The following SNPH variants were observed in gnomAD, a reference collection of about 807,000 sequenced individuals.
SNPH encodes the protein syntaphilin.
In SNPH, 10 loss-of-function variants were observed where a neutral mutation model predicts 36.8. The ratio of observed to expected loss-of-function variants is 0.27; its 90% CI spans 0.17 to 0.46. The LOEUF is 0.46. Ranked by LOEUF, SNPH falls within the 20% of genes least tolerant of loss-of-function variation. The pLI, the probability that SNPH is intolerant of heterozygous loss-of-function variation, is 1.00. For missense variants in SNPH, 622 were observed against 744.0 expected (o/e 0.84, Z 1.91); for synonymous variants, 281 against 312.2 (o/e 0.90, Z 1.05).
At chr20:1,293,222 C>G (rs1267441253) in intron 2 of SNPH, among the ~76,000 whole-genome samples, 1 of 152,188 alleles carries the variant, frequency 6.6e-6, no homozygotes, top group East Asian at 1.9e-4. Context: ...CTCATGCTCC[C>G]TGGACCCCCA....
At position 1,305,815 on chromosome 20, in the gene SNPH, G is replaced by A; in HGVS notation, c.1378G>A (p.Glu460Lys). ...GGAGGAGGCTGCCGTGGCTGAGAAG[G>A]AGCCCAAGAGCTACTGGAGCCGCCA... ...EEEEAAVAEK[E>K]PKSYWSRHYI... Residue 460 changes from glutamate to lysine, a missense_variant, in exon 7 of 7, where the codon GAG becomes AAG. Around this residue, in one of 3 missense-constraint regions of SNPH, gnomAD observed 379 missense variants for 427.9 expected, o/e 0.89. Transcript: ENST00000381867. 6.3e-7 allele frequency: 1 copy of A among 1,582,938 alleles called. No individual in the cohort carries two copies. The highest frequency in any genetic ancestry group is 8.6e-7 in the Non-Finnish European group (1 of 1,164,528).
At chr20:1,280,728 C>T (rs1157318121) in intron 2 of SNPH, among the ~76,000 whole-genome samples, 1 of 152,174 alleles carries the variant, frequency 6.6e-6, no homozygotes, top group Admixed American at 6.5e-5. Context: ...CCCTCAGGGG[C>T]CCTCTTCCTG....
At position 1,305,409 on chromosome 20, in the gene SNPH, C is replaced by G. The variant is rs758363052; in HGVS notation, c.972C>G (p.Ser324=). Residue 324 remains serine, a synonymous_variant, in exon 7 of 7, where the codon TCC becomes TCG. Coordinates refer to ENST00000381867, the MANE Select transcript of SNPH (RefSeq NM_001318234.2). ...CCGAGGAGACCTCGCTGCACAGCTC[C>G]TTCGGCCTGGGCCCCCGCTTCCCTG... ...CGTEETSLHS[S]FGLGPRFPAS... 1 of 1,613,080 alleles carries G rather than the reference C, an allele frequency of 6.2e-7. No homozygotes were observed.
chr20:1,277,621 T>C (rs1276610662), intron 2 of SNPH, among the ~76,000 whole-genome samples: 5 of 31,956 alleles, frequency 1.6e-4, no homozygotes, highest in Non-Finnish European at 5.2e-4. Context: ...TGTGTATGTG[T>C]GCCTGTGTGT....
chr20:1,278,745 G>A (rs1009696683), intron 2 of SNPH, among the ~76,000 whole-genome samples: 1 of 152,016 alleles, frequency 6.6e-6, no homozygotes, highest in African/African-American at 2.4e-5. Flanking sequence ...GTGCAGTGGT[G>A]CGATCTTGGC....
intron 2 of SNPH, among the ~76,000 whole-genome samples, chr20:1,267,178 T>TCCATCCCATCTTTCC (rs1437738579): frequency 2.0e-5 from 3 of 150,478 alleles, no homozygotes; most frequent in African/African-American, 7.3e-5. Context: ...AATGACTGCT[T>TCCATCCCATCTTTCC]CCATCCCATC....
chr20:1,303,867 GGGCTGCCACTA>G, intron 6 of SNPH, among the ~76,000 whole-genome samples: 1 of 152,184 alleles, frequency 6.6e-6, no homozygotes, highest in Non-Finnish European at 1.5e-5. Flanking sequence ...GGGCTCATGT[GGGCTGCCACTA>G]GGAAGTGAGC....
chr20:1,274,171 G>A (rs1260737213), intron 2 of SNPH, among the ~76,000 whole-genome samples: 2 of 152,106 alleles, frequency 1.3e-5, no homozygotes, highest in East Asian at 3.9e-4. Context: ...TCTGACACAG[G>A]TATACAGGAT....
intron 6 of SNPH, 48 bp downstream of exon 6, chr20:1,300,759 C>T: frequency 6.4e-7 from 1 of 1,560,424 alleles, no homozygotes; most frequent in Non-Finnish European, 8.7e-7. Context: ...ACCAGCTCCA[C>T]ACTCAGGGAA....
rs760508547 is a variant in SNPH, at chr20:1,305,542, C to T, written c.1105C>T (p.Leu369Phe). The T allele has an allele frequency of 6.2e-6, 10 of 1,613,144 alleles. No individual in the cohort carries two copies. The highest frequency in any genetic ancestry group is 4.0e-5 in the African/African-American group (3 of 74,942). Residue 369 changes from leucine to phenylalanine, a missense_variant, in exon 7 of 7, where the codon CTT becomes TTT. By Grantham distance (22) the Leu-to-Phe change is conservative. This residue lies in a region of SNPH where 379 missense variants were observed against 427.9 expected (regional missense o/e 0.89). Transcript: ENST00000381867. ...QTDFVQYQPD[L>F]DTILEKVTQA... is the part of the protein sequence containing the mutation. ...AGACTTCGTGCAGTACCAGCCTGAC[C>T]TTGACACCATCCTGGAGAAAGTGAC...
In SNPH at chr20:1,307,353, C is replaced by T. The variant is rs1217487926; in HGVS notation, c.*1299C>T. 1.3e-5 allele frequency: 2 copies of T among 152,322 alleles called. No homozygotes were observed. Among genetic ancestry groups the T allele is most frequent in the South Asian group, 2.1e-4 (1 of 4,820 alleles). 9.4% of individuals were successfully genotyped at this position (152,322 alleles called of 1,614,324 possible). On this transcript the variant is annotated 3_prime_UTR_variant, in exon 7 of 7. Transcript: ENST00000381867. ...TCCCTGCTCCCAGCCCAAGGCCAGT[C>T]GGCCTGGGAAGTTCACTGCCCCAAC...
intron 2 of SNPH, among the ~76,000 whole-genome samples, chr20:1,288,305 T>C (rs920651784): frequency 6.6e-6 from 1 of 152,182 alleles, no homozygotes; most frequent in African/African-American, 2.4e-5. Flanking sequence ...ATTACCTTGG[T>C]TGGATCCCAA....
intron 5 of SNPH, among the ~76,000 whole-genome samples, chr20:1,298,608 G>T (rs549249674): frequency 3.4e-4 from 52 of 152,208 alleles, no homozygotes; most frequent in Middle Eastern, 6.8e-3. Flanking sequence ...AACACACCTC[G>T]TAACTGCAGC....
chr20:1,304,702 C>T lies in SNPH; in HGVS notation c.441-176C>T, dbSNP rs1005969774. On this transcript the variant is annotated intron_variant, in intron 6 of 6. Coordinates refer to ENST00000381867, the MANE Select transcript of SNPH (RefSeq NM_001318234.2). The surrounding 1 kb of genome is among the most constrained non-coding windows in gnomAD (Gnocchi z 4.3). ...ACCCCTCAGCCCCTCTCCCCAGCCA[C>T]TCTCACTCCCCACTATAATAAGAAG... Among the ~76,000 whole-genome samples the T allele has an allele frequency of 3.9e-5, 6 of 152,144 alleles. No homozygotes were observed. The highest frequency in any genetic ancestry group is 8.8e-5 in the Non-Finnish European group (6 of 68,034).
rs1011754996 is a variant in SNPH, at chr20:1,303,664, C to T, written c.441-1214C>T. Among the ~76,000 whole-genome samples the T allele has an allele frequency of 2.6e-5, 4 of 152,196 alleles. No individual in the cohort carries two copies. The South Asian group carries it at 8.3e-4, about 31-fold the overall frequency. ...GACCTTTATGGCCACTGCATCCCCT[C>T]AGCCCCCAGTCCCTCCAGCGTATTG... is the stretch of plus-strand genomic sequence containing the variant. On this transcript the variant is annotated intron_variant, in intron 6 of 6. Transcript: ENST00000381867.
chr20:1,287,804 G>T lies in SNPH; in HGVS notation c.-492-7147G>T, dbSNP rs575937692. 2.0e-5 allele frequency among the ~76,000 whole-genome samples: 3 copies of T among 152,314 alleles called. No homozygotes were observed. In the South Asian group the frequency reaches 6.2e-4, roughly 32 times the overall value. ...AGAGTTGGAAGCTTGGGAGAAGGGGGAAGGGAGAGAAGCCGGACTGAGGCT... is the reference window on the plus strand; with the variant it reads ...AGAGTTGGAAGCTTGGGAGAAGGGGTAAGGGAGAGAAGCCGGACTGAGGCT... On this transcript the variant is annotated intron_variant, in intron 2 of 6. Transcript: ENST00000381867.
At chr20:1,291,001 A>G (rs1359590711) in intron 2 of SNPH, among the ~76,000 whole-genome samples, 4 of 152,268 alleles carry the variant, frequency 2.6e-5, no homozygotes, top group African/African-American at 7.2e-5. Flanking sequence ...TGTAAAACAC[A>G]TACGAGAGGA....
In SNPH at chr20:1,305,805, G is replaced by A. The variant is rs140430260; in HGVS notation, c.1368G>A (p.Val456=). 6.6e-5 allele frequency: 105 copies of A among 1,593,718 alleles called. No individual in the cohort carries two copies. The African/African-American group carries it at 1.3e-3, about 20-fold the overall frequency. Reference sequence around the variant, plus strand: ...TGGAAGAGGAGGAGGAGGCTGCCGTGGCTGAGAAGGAGCCCAAGAGCTACT... The same window carrying A: ...TGGAAGAGGAGGAGGAGGCTGCCGTAGCTGAGAAGGAGCCCAAGAGCTACT... ...CPMEEEEEAA[V]AEKEPKSYWS... is the part of the protein sequence containing the mutation. Residue 456 remains valine, a synonymous_variant, in exon 7 of 7, where the codon GTG becomes GTA. Coordinates refer to ENST00000381867, the MANE Select transcript of SNPH (RefSeq NM_001318234.2).
At chr20:1,296,468 AG>A in intron 4 of SNPH, 47 bp downstream of exon 4, 1 of 1,530,204 alleles carries the variant, frequency 6.5e-7, no homozygotes, top group Non-Finnish European at 8.8e-7. Context: ...GGGCGGGAGG[AG>A]GGCGCACGGG....
Sources: allele counts gnomAD v4.1 joint callset (sites outside exome capture counted in the v4.1 genomes callset), GRCh38; gene constraint gnomAD v4.1.1; regional missense constraint gnomAD v4.1.1; non-coding constraint Gnocchi (gnomAD v3.1); transcripts MANE v1.5; gene names NCBI Gene and HGNC (gene_info 2026-07-23, HGNC 2026-07-21).